Variants in ADAMTS16 observed in about 807,000 individuals in gnomAD.
The protein encoded by ADAMTS16 is A disintegrin and metalloproteinase with thrombospondin motifs 16.
Under a neutral mutation model 145.8 loss-of-function variants are expected in ADAMTS16, and 94 were observed. The ratio of observed to expected loss-of-function variants is 0.64; its 90% CI spans 0.55 to 0.77. ADAMTS16 has a LOEUF of 0.77. Among genes scored for constraint, ADAMTS16 ranks in the 30% least tolerant of loss-of-function variants. ADAMTS16 has a pLI of 0.00. For missense variants in ADAMTS16, 1,585 were observed against 1,591.5 expected (o/e 1.00, Z 0.07); for synonymous variants, 659 against 604.3 (o/e 1.09, Z -1.33).
intron 11 of ADAMTS16, among the ~76,000 whole-genome samples, chr5:5,228,074 C>A (rs1420738936): frequency 6.6e-6 from 1 of 152,106 alleles, no homozygotes; most frequent in Non-Finnish European, 1.5e-5. Flanking sequence ...AAAGGATAAA[C>A]CCTAAATGCT....
At chr5:5,182,867 G>C (rs1415335424) in intron 4 of ADAMTS16, among the ~76,000 whole-genome samples, 1 of 152,062 alleles carries the variant, frequency 6.6e-6, no homozygotes, top group African/African-American at 2.4e-5. Flanking sequence ...AATTGAAGTT[G>C]GGTGCTTTCT....
rs1284967114 is a variant in ADAMTS16 at position 5,146,275 on chromosome 5, C to T, written c.321C>T (p.Asp107=). ...LHLRLKGSRH[D]FHMDLRTSSS... ...TTCGGCTGAAAGGCTCCAGGCACGA[C>T]TTCCACATGGATCTGAGGACTTCCA... The change falls in exon 3 of 23, where the codon GAC becomes GAT. Residue 107 remains aspartate, a synonymous_variant. Coordinates refer to ENST00000274181, the MANE Select transcript of ADAMTS16 (RefSeq NM_139056.4). 5 of 1,614,052 alleles carry T rather than the reference C, an allele frequency of 3.1e-6. No homozygotes were observed. Among genetic ancestry groups the T allele is most frequent in the East Asian group, 2.2e-5 (1 of 44,886 alleles).
intron 10 of ADAMTS16, among the ~76,000 whole-genome samples, chr5:5,220,010 T>C (rs1736546369): frequency 6.6e-6 from 1 of 152,174 alleles, no homozygotes; most frequent in African/African-American, 2.4e-5. Flanking sequence ...CTAATGTTAT[T>C]GTACGTAAAG....
chr5:5,182,756 G>A (rs372825839), intron 4 of ADAMTS16, among the ~76,000 whole-genome samples: 69 of 151,894 alleles, frequency 4.5e-4, no homozygotes, highest in African/African-American at 1.5e-3. Flanking sequence ...GTAGACCTGC[G>A]ATTTATCACC....
In ADAMTS16 at chr5:5,310,959, C is replaced by T. The variant is rs976109863; in HGVS notation, c.3411+4231C>T. The stretch of plus-strand genomic sequence containing the variant: ...GCTGCAGAGCCCTAGCCCAGAGCCA[C>T]GAGGACCAGAGATATGTGAGCAGCA... On this transcript the variant is annotated intron_variant, in intron 21 of 22. Coordinates refer to ENST00000274181, the MANE Select transcript of ADAMTS16 (RefSeq NM_139056.4). The surrounding 1 kb of genome is among the most constrained non-coding windows in gnomAD (Gnocchi z 4.3). 6.6e-6 allele frequency among the ~76,000 whole-genome samples: 1 copy of T among 152,152 alleles called. No homozygotes were observed. Among genetic ancestry groups the T allele is most frequent in the Non-Finnish European group, 1.5e-5 (1 of 68,042 alleles).
intron 3 of ADAMTS16, among the ~76,000 whole-genome samples, chr5:5,159,795 G>A (rs567911305): frequency 9.2e-5 from 14 of 152,272 alleles, no homozygotes; most frequent in African/African-American, 2.6e-4. Context: ...CATTGCTGAC[G>A]CGCACATTTT....
At chr5:5,281,974 C>T (rs1031945829) in intron 18 of ADAMTS16, among the ~76,000 whole-genome samples, 21 of 152,216 alleles carry the variant, frequency 1.4e-4, no homozygotes, top group African/African-American at 5.1e-4. Flanking sequence ...AGTGTAATAA[C>T]GTGACAAGTT....
At chr5:5,156,827 A>G (rs1233027173) in intron 3 of ADAMTS16, among the ~76,000 whole-genome samples, 4 of 152,192 alleles carry the variant, frequency 2.6e-5, no homozygotes, top group Admixed American at 1.3e-4. Context: ...TAGAGGCCTG[A>G]GGCCAGACTC....
chr5:5,289,753 C>T lies in ADAMTS16; in HGVS notation c.2790-13515C>T, dbSNP rs4304055. ...AGGCCTATTCATGTACATGGGGTTT[C>T]CAGTGGTTTTCTCACTGATGCAGCA... On this transcript the variant is annotated intron_variant, in intron 18 of 22. Transcript: ENST00000274181. 5.0e-3 allele frequency among the ~76,000 whole-genome samples: 768 copies of T among 152,292 alleles called. 10 individuals are homozygous for T. The highest frequency in any genetic ancestry group is 0.018 in the African/African-American group (741 of 41,552).
rs540642317 is a variant in ADAMTS16, at chr5:5,269,121, A to G, written c.2789+6338A>G. On this transcript the variant is annotated intron_variant, in intron 18 of 22. Coordinates refer to ENST00000274181, the MANE Select transcript of ADAMTS16 (RefSeq NM_139056.4). The surrounding 1 kb of genome is among the most constrained non-coding windows in gnomAD (Gnocchi z 4.3). ...TGTCATGCAGCTCCTATGCTTCAAG[A>G]TCCACACTGAAGTTGTCCTTCTGTC... is the stretch of plus-strand genomic sequence containing the variant. Among the ~76,000 whole-genome samples, 3 of 152,014 alleles carry G rather than the reference A, an allele frequency of 2.0e-5. No individual in the cohort carries two copies. The highest frequency in any genetic ancestry group is 4.4e-5 in the Non-Finnish European group (3 of 67,988).
intron 3 of ADAMTS16, among the ~76,000 whole-genome samples, chr5:5,156,632 A>C (rs1247749640): frequency 6.6e-6 from 1 of 152,184 alleles, no homozygotes; most frequent in Non-Finnish European, 1.5e-5. Flanking sequence ...GCTTTGATTA[A>C]AATTAAGCCT....
chr5:5,145,648 A>G (rs1361855357), intron 2 of ADAMTS16, among the ~76,000 whole-genome samples: 1 of 152,270 alleles, frequency 6.6e-6, no homozygotes, highest in Non-Finnish European at 1.5e-5. Flanking sequence ...TTCTCTCTTC[A>G]AAATAAAGGT....
At chr5:5,264,179 G>C (rs562842252) in intron 18 of ADAMTS16, among the ~76,000 whole-genome samples, 1 of 152,240 alleles carries the variant, frequency 6.6e-6, no homozygotes, top group East Asian at 1.9e-4. Context: ...GAACCAATCG[G>C]AAGAGAGCAG....
chr5:5,160,228 G>A (rs1344815257), intron 3 of ADAMTS16, among the ~76,000 whole-genome samples: 1 of 152,126 alleles, frequency 6.6e-6, no homozygotes, highest in Non-Finnish European at 1.5e-5. Context: ...ATTTAATGTA[G>A]CCTTATCTTC....
At position 5,190,001 on chromosome 5, in the gene ADAMTS16, C is replaced by T; in HGVS notation, c.1078C>T (p.His360Tyr). 6.2e-7 allele frequency: 1 copy of T among 1,611,734 alleles called. No homozygotes were observed. Among genetic ancestry groups the T allele is most frequent in the African/African-American group, 1.3e-5 (1 of 74,938 alleles). The part of the protein sequence containing the change: ...PGLVISHHAD[H>Y]TLSSFCQWQS... Reference sequence around the variant, plus strand: ...ACTGGTGATAAGTCACCACGCAGACCACACCTTAAGTAGCTTCTGCCAGTG... The same window carrying T: ...ACTGGTGATAAGTCACCACGCAGACTACACCTTAAGTAGCTTCTGCCAGTG... The change falls in exon 7 of 23, where the codon CAC (histidine) becomes TAC (tyrosine). Residue 360 changes from histidine to tyrosine, a missense_variant. This residue lies in a region of ADAMTS16 where 298 missense variants were observed against 367.6 expected (regional missense o/e 0.81). Transcript: ENST00000274181.
chr5:5,169,889 C>T (rs1735001608), intron 3 of ADAMTS16, among the ~76,000 whole-genome samples: 1 of 152,168 alleles, frequency 6.6e-6, no homozygotes, highest in South Asian at 2.1e-4. Context: ...TTTGATTCTG[C>T]TGAACTAATG....
intron 3 of ADAMTS16, among the ~76,000 whole-genome samples, chr5:5,154,747 T>C (rs1458355136): frequency 6.6e-6 from 1 of 152,202 alleles, no homozygotes; most frequent in Non-Finnish European, 1.5e-5. Context: ...TTCATCATCA[T>C]GAAATAGGGA....
intron 3 of ADAMTS16, among the ~76,000 whole-genome samples, chr5:5,177,508 G>A (rs889227534): frequency 2.6e-5 from 4 of 152,166 alleles, no homozygotes; most frequent in African/African-American, 9.7e-5. Context: ...GGAGAAAAAG[G>A]AAGCTTTTTG....
intron 3 of ADAMTS16, among the ~76,000 whole-genome samples, chr5:5,178,832 G>A (rs1428012): frequency 0.22 from 32,763 of 151,816 alleles, 4,333 homozygotes; most frequent in Admixed American, 0.39. Flanking sequence ...GATCACAAGC[G>A]TGTAGGCCAG....
Sources: gnomAD v4.1 joint callset for allele counts (sites outside exome capture counted in the v4.1 genomes callset) on GRCh38, gnomAD v4.1.1 for gene constraint, gnomAD v4.1.1 regional missense constraint, Gnocchi (gnomAD v3.1) non-coding constraint, MANE v1.5 for transcripts, NCBI Gene and HGNC (gene_info 2026-07-23, HGNC 2026-07-21) for gene names.